SLC16A14: variants seen among roughly 807,000 people sequenced by gnomAD.
The protein encoded by SLC16A14 is solute carrier family 16 member 14.
SLC16A14 carries 14 observed loss-of-function variants against 35.8 expected under a neutral mutation model. The ratio of observed to expected loss-of-function variants is 0.39; its 90% CI spans 0.26 to 0.61. SLC16A14 has a LOEUF of 0.61. SLC16A14 is among the 20% of genes least tolerant of loss of function. The probability of loss-of-function intolerance (pLI) is 0.51; values close to 1 mark genes in which losing one functional copy is unlikely to be tolerated. For synonymous variants in SLC16A14, 248 were observed against 258.9 expected, an observed-to-expected ratio of 0.96 and a Z score of 0.40; for missense variants, 533 against 655.0, an observed-to-expected ratio of 0.81 and a Z score of 2.03.
intron 1 of SLC16A14, among the ~76,000 whole-genome samples, chr2:230,064,192 C>G (rs1001725157): frequency 6.6e-6 from 1 of 151,968 alleles, no homozygotes; most frequent in Admixed American, 6.6e-5. Flanking sequence ...AGCCTCTTAC[C>G]TCCAGGTAAA....
intron 1 of SLC16A14, among the ~76,000 whole-genome samples, chr2:230,062,492 G>C (rs139765139): frequency 1.3e-5 from 2 of 152,104 alleles, no homozygotes; most frequent in East Asian, 3.9e-4. Context: ...GGTACTACAG[G>C]CATGTGCCAC....
At chr2:230,049,477 T>C (rs1012144404) in intron 3 of SLC16A14, among the ~76,000 whole-genome samples, 1 of 152,208 alleles carries the variant, frequency 6.6e-6, no homozygotes, top group Admixed American at 6.5e-5. Flanking sequence ...TTCCTATTCC[T>C]CACTGGAGAT....
intron 3 of SLC16A14, among the ~76,000 whole-genome samples, chr2:230,047,501 C>T (rs1490405572): frequency 6.6e-6 from 1 of 151,994 alleles, no homozygotes; most frequent in Non-Finnish European, 1.5e-5. Flanking sequence ...CACGTGGTTT[C>T]ACCATGTTGC....
At chr2:230,049,152 C>T (rs2077635653) in intron 3 of SLC16A14, among the ~76,000 whole-genome samples, 2 of 150,950 alleles carry the variant, frequency 1.3e-5, no homozygotes, top group Admixed American at 6.6e-5. Flanking sequence ...TCACAGCAAC[C>T]TCTGCCTCCT....
chr2:230,053,196 G>A (rs1207194369), intron 2 of SLC16A14, among the ~76,000 whole-genome samples: 2 of 152,158 alleles, frequency 1.3e-5, no homozygotes, highest in Non-Finnish European at 2.9e-5. Context: ...ACCCGCCTCA[G>A]TCTCCAAAAG....
Position 230,059,111 on chromosome 2 carries a change from C to A in SLC16A14, c.242G>T (p.Gly81Val). ...LTAWVSSLSMGITLIVGPFIG... is the reference protein window; with the variant it reads ...LTAWVSSLSMVITLIVGPFIG... Reference sequence around the variant, plus strand: ...GAACATACCCACTATCAAGGTGATGCCCATGCTGAGGGAGCTGACCCAGGC... The same window carrying A: ...GAACATACCCACTATCAAGGTGATGACCATGCTGAGGGAGCTGACCCAGGC... Residue 81 changes from glycine to valine, a missense_variant, in exon 2 of 5, where the codon GGC (glycine) becomes GTC (valine). Coordinates refer to ENST00000295190, the MANE Select transcript of SLC16A14 (RefSeq NM_152527.5). The A allele has an allele frequency of 6.2e-7, 1 of 1,612,474 alleles. No homozygotes were observed. Among genetic ancestry groups the A allele is most frequent in the Non-Finnish European group, 8.5e-7 (1 of 1,179,252 alleles).
At position 230,045,972 on chromosome 2, in the gene SLC16A14, A is replaced by T. The variant is rs2077602673; in HGVS notation, c.1154T>A (p.Phe385Tyr). 1.9e-6 allele frequency: 3 copies of T among 1,613,474 alleles called. No individual in the cohort carries two copies. The highest frequency in any genetic ancestry group is 2.5e-6 in the Non-Finnish European group (3 of 1,179,368). The change falls in exon 4 of 5, where the codon TTC becomes TAC. Residue 385 changes from phenylalanine to tyrosine, a missense_variant. Coordinates refer to ENST00000295190, the MANE Select transcript of SLC16A14 (RefSeq NM_152527.5). ...GACAAGGGTGAAGTTGGCCAACAGG[A>T]AGACATTCCAAACACTAATGCAAGG... ...DLPCISVWNVFLLANFTLVLS... is the reference protein window; with the variant it reads ...DLPCISVWNVYLLANFTLVLS...
At position 230,037,380 on chromosome 2, in the gene SLC16A14, C is replaced by T. The variant is rs1577379485; in HGVS notation, c.1533G>A (p.Ter511=). 2.5e-6 allele frequency: 4 copies of T among 1,598,570 alleles called. No individual in the cohort carries two copies. The East Asian group carries it at 9.0e-5, about 36-fold the overall frequency. The change falls in exon 5 of 5, where the codon TAG becomes TAA. Residue 511 remains the stop codon, a stop_retained_variant. Coordinates refer to ENST00000295190, the MANE Select transcript of SLC16A14 (RefSeq NM_152527.5). ...RRKYMDGAHV[*] ...AACCTACACGGAACATTACATGATA[C>T]TAAACATGTGCACCATCCATGTATT...
In SLC16A14 at chr2:230,046,076, G is replaced by A. The variant is rs1335479181; in HGVS notation, c.1050C>T (p.Asn350=). Residue 350 remains asparagine (N), a synonymous_variant, in exon 4 of 5, where the codon AAC becomes AAT. Coordinates refer to ENST00000295190, the MANE Select transcript of SLC16A14 (RefSeq NM_152527.5). The surrounding 1 kb of genome is among the most constrained non-coding windows in gnomAD (Gnocchi z 5.0). ...IVNLYNLSEQ[N]DVFPLTSIIA... is the part of the protein sequence containing the mutation. ...TAATTGACGTCAGAGGGAAAACGTCGTTTTGCTCCGATAAGTTATACAAAT... is the reference window on the plus strand; with the variant it reads ...TAATTGACGTCAGAGGGAAAACGTCATTTTGCTCCGATAAGTTATACAAAT... The A allele has an allele frequency of 1.2e-6, 2 of 1,614,116 alleles. No homozygotes were observed. Among genetic ancestry groups the A allele is most frequent in the Admixed American group, 1.7e-5 (1 of 60,010 alleles).
rs967633551 is a variant in SLC16A14, at chr2:230,035,353, C to T, written c.*2027G>A. On this transcript the variant is annotated 3_prime_UTR_variant, in exon 5 of 5. Transcript: ENST00000295190. ...GGATAAAAAGTTCATATTGATGATA[C>T]ACAACCAGCAGTGCAAGCATTCAAA... is the stretch of plus-strand genomic sequence containing the variant. 1 of 152,626 alleles carries T rather than the reference C, an allele frequency of 6.6e-6. No homozygotes were observed. The highest frequency in any genetic ancestry group is 1.5e-5 in the Non-Finnish European group (1 of 68,036). 9.5% of individuals were successfully genotyped at this position (152,626 alleles called of 1,614,324 possible).
chr2:230,045,334 G>A (rs1176588283), intron 4 of SLC16A14, among the ~76,000 whole-genome samples: 1 of 152,214 alleles, frequency 6.6e-6, no homozygotes, highest in Non-Finnish European at 1.5e-5. Context: ...GAGGCAGGTG[G>A]ATCACTCGAG....
At chr2:230,062,792 T>A (rs1405102127) in intron 1 of SLC16A14, among the ~76,000 whole-genome samples, 1 of 152,134 alleles carries the variant, frequency 6.6e-6, no homozygotes, top group African/African-American at 2.4e-5. Flanking sequence ...TGTCTGGGGA[T>A]CATCTTCTTT....
At chr2:230,066,615 G>T (rs751675830) in intron 1 of SLC16A14, 12 of 430,472 alleles carry the variant, frequency 2.8e-5, no homozygotes, top group South Asian at 2.0e-4. Context: ...CTACAGCAGC[G>T]TAGAAAGTTT....
At chr2:230,059,590 A>G (rs544742135) in intron 1 of SLC16A14, among the ~76,000 whole-genome samples, 2 of 152,282 alleles carry the variant, frequency 1.3e-5, no homozygotes, top group South Asian at 4.1e-4. Flanking sequence ...TCACATATAT[A>G]GGTATTACAA....
At chr2:230,059,860 G>A (rs1259632264) in intron 1 of SLC16A14, among the ~76,000 whole-genome samples, 1 of 152,214 alleles carries the variant, frequency 6.6e-6, no homozygotes, top group Non-Finnish European at 1.5e-5. Flanking sequence ...GGGTGCAAGT[G>A]TTAATTTGTT....
intron 4 of SLC16A14, among the ~76,000 whole-genome samples, chr2:230,042,515 G>A (rs1453775095): frequency 6.6e-6 from 1 of 152,118 alleles, no homozygotes; most frequent in African/African-American, 2.4e-5. Flanking sequence ...ACCCAAGCCT[G>A]CCCATTAGAA....
chr2:230,062,694 G>C (rs1342772355), intron 1 of SLC16A14, among the ~76,000 whole-genome samples: 2 of 152,180 alleles, frequency 1.3e-5, no homozygotes, highest in East Asian at 1.9e-4. Flanking sequence ...CCCTGGACTA[G>C]AGCATTCGTT....
intron 1 of SLC16A14, chr2:230,066,791 C>A: frequency 3.1e-6 from 1 of 323,460 alleles, no homozygotes; most frequent in Non-Finnish European, 6.0e-6. Flanking sequence ...TGTGCCACTG[C>A]ATCTTTAGTA....
intron 4 of SLC16A14, among the ~76,000 whole-genome samples, chr2:230,041,312 T>G (rs2077558404): frequency 6.6e-6 from 1 of 152,062 alleles, no homozygotes; most frequent in African/African-American, 2.4e-5. Context: ...TAGGAAAGTA[T>G]GTACTACTAT....
Sources: gnomAD v4.1 joint callset for allele counts (sites outside exome capture counted in the v4.1 genomes callset) on GRCh38, gnomAD v4.1.1 for gene constraint, Gnocchi (gnomAD v3.1) non-coding constraint, MANE v1.5 for transcripts, NCBI Gene and HGNC (gene_info 2026-07-23, HGNC 2026-07-21) for gene names.